TF: variants seen among roughly 807,000 people sequenced by gnomAD.
The protein encoded by TF is transferrin.
Under a neutral mutation model 82.4 loss-of-function variants are expected in TF, and 55 were observed. The observed-to-expected ratio is 0.67, with a 90% CI of 0.54 to 0.84. The LOEUF (loss-of-function observed/expected upper bound fraction) is 0.84. Among genes scored for constraint, TF ranks in the 40% least tolerant of loss-of-function variants. The pLI, the probability that TF is intolerant of heterozygous loss-of-function variation, is 0.00. For synonymous variants in TF, 332 were observed against 332.6 expected, an observed-to-expected ratio of 1.00 and a Z score of 0.02; for missense variants, 737 against 868.4, an observed-to-expected ratio of 0.85 and a Z score of 1.90.
rs536903376 is a variant in TF at position 133,790,827 on chromosome 3, G to A, written c.*12207G>A. 1.3e-5 allele frequency: 2 copies of A among 152,292 alleles called. No individual in the cohort carries two copies. Among genetic ancestry groups the A allele is most frequent in the East Asian group, 3.9e-4 (2 of 5,188 alleles). The allele number at this position is 152,292 out of a possible 1,614,324, so 9.4% of individuals were successfully genotyped here. A position where few individuals can be genotyped will look rare whatever the true frequency, so the allele number is the denominator to read the frequency against. On this transcript the variant is annotated 3_prime_UTR_variant, in exon 17 of 17. Transcript: ENST00000402696. ...AGTGTATTTCTTGATTGCACAGGATGTATGGTGATATTGGTGAACTTAAGG... is the reference window on the plus strand; with the variant it reads ...AGTGTATTTCTTGATTGCACAGGATATATGGTGATATTGGTGAACTTAAGG...
intron 13 of TF, among the ~76,000 whole-genome samples, chr3:133,770,262 G>T (rs1221042678): frequency 6.6e-6 from 1 of 152,160 alleles, no homozygotes; most frequent in Non-Finnish European, 1.5e-5. Context: ...GGGAAATTAT[G>T]TCATCTCTCA....
chr3:133,786,668 G>T lies in TF; in HGVS notation c.*8048G>T, dbSNP rs138953435. ...GTACATTTCGTTTTAAGATTCCCAGGAAAGACAGTCTTCTGAAAATTTGAG... is the reference window on the plus strand; with the variant it reads ...GTACATTTCGTTTTAAGATTCCCAGTAAAGACAGTCTTCTGAAAATTTGAG... On this transcript the variant is annotated 3_prime_UTR_variant, in exon 17 of 17. Coordinates refer to ENST00000402696, the MANE Select transcript of TF (RefSeq NM_001063.4). 2 of 152,192 alleles carry T rather than the reference G, an allele frequency of 1.3e-5. No individual in the cohort carries two copies. Among genetic ancestry groups the T allele is most frequent in the African/African-American group, 4.8e-5 (2 of 41,444 alleles). The allele number at this position is 152,192 out of a possible 1,614,324, so 9.4% of individuals were successfully genotyped here.
chr3:133,729,614 G>A, the TF span, among the ~76,000 whole-genome samples: 555 of 152,348 alleles, frequency 3.6e-3, 14 homozygotes, highest in Admixed American at 0.033. Context: ...CACTTCCCGA[G>A]TGAGGCAATG....
chr3:133,692,162 C>T, the TF span, among the ~76,000 whole-genome samples: 1 of 152,244 alleles, frequency 6.6e-6, no homozygotes, highest in Non-Finnish European at 1.5e-5. Flanking sequence ...ACACACAGGA[C>T]CTGACTGCGT....
Position 133,789,991 on chromosome 3 carries a change from T to G in TF, c.*11371T>G, listed in dbSNP as rs1418009891. The stretch of plus-strand genomic sequence containing the variant: ...TATGTATTAACTTTGAGGCTCTTAC[T>G]TAGGTTTAAGTGCACACCTGGCTAT... On this transcript the variant is annotated 3_prime_UTR_variant, in exon 17 of 17. Coordinates refer to ENST00000402696, the MANE Select transcript of TF (RefSeq NM_001063.4). 1 of 151,174 alleles carries G rather than the reference T, an allele frequency of 6.6e-6. No homozygotes were observed. 9.4% of individuals were successfully genotyped at this position (151,174 alleles called of 1,614,324 possible).
the TF span, among the ~76,000 whole-genome samples, chr3:133,694,665 C>T: frequency 6.6e-6 from 1 of 152,176 alleles, no homozygotes; most frequent in African/African-American, 2.4e-5. Context: ...TTTGGCAGGG[C>T]CAAAGGTCAG....
intron 4 of TF, 83 bp from the exon 5 acceptor site, chr3:133,755,280 C>T (rs1933792297): frequency 6.2e-7 from 1 of 1,600,082 alleles, no homozygotes; most frequent in Non-Finnish European, 8.6e-7. Flanking sequence ...CCCTCTGTTC[C>T]CTGATGGGCC....
upstream of TF, among the ~76,000 whole-genome samples, chr3:133,741,948 C>A (rs754014966): frequency 9.9e-5 from 15 of 152,086 alleles, no homozygotes; most frequent in Non-Finnish European, 1.8e-4. Flanking sequence ...AAGGAGTGTT[C>A]CTACTTTTCT....
the TF span, among the ~76,000 whole-genome samples, chr3:133,692,466 G>A: frequency 1.3e-5 from 2 of 152,162 alleles, no homozygotes; most frequent in African/African-American, 4.8e-5. Flanking sequence ...GTGACATCAC[G>A]ATGGCTGGGT....
At chr3:133,714,528 T>G in the TF span, among the ~76,000 whole-genome samples, 1 of 152,220 alleles carries the variant, frequency 6.6e-6, no homozygotes, top group African/African-American at 2.4e-5. Flanking sequence ...TAATTTTTCT[T>G]TACATCAGAA....
the TF span, among the ~76,000 whole-genome samples, chr3:133,674,033 G>A: frequency 5.9e-5 from 9 of 152,174 alleles, no homozygotes; most frequent in African/African-American, 1.9e-4. Context: ...GGACCCAGGA[G>A]TGGTCCATTC....
chr3:133,707,370 C>T, the TF span: 1 of 152,234 alleles, frequency 6.6e-6, no homozygotes, highest in African/African-American at 2.4e-5. Context: ...TCAGGAGAAC[C>T]TGCTTCACTG....
At chr3:133,732,991 T>C in the TF span, among the ~76,000 whole-genome samples, 1 of 152,208 alleles carries the variant, frequency 6.6e-6, no homozygotes, top group African/African-American at 2.4e-5. Flanking sequence ...GGATCTTCTC[T>C]TGTCCTAATT....
chr3:133,677,736 T>A, the TF span, among the ~76,000 whole-genome samples: 1 of 151,936 alleles, frequency 6.6e-6, no homozygotes, highest in Non-Finnish European at 1.5e-5. Context: ...TAGGCTGGAG[T>A]GCAGTGGTGT....
At chr3:133,694,398 G>C in the TF span, 1 of 152,802 alleles carries the variant, frequency 6.5e-6, no homozygotes, top group African/African-American at 2.4e-5. Context: ...TCCTCAGCCT[G>C]ATGTTGGGGA....
chr3:133,738,152 T>A, the TF span, among the ~76,000 whole-genome samples: 1 of 152,224 alleles, frequency 6.6e-6, no homozygotes, highest in Non-Finnish European at 1.5e-5. Context: ...GCAAGACTGG[T>A]TCAACATACT....
At chr3:133,730,605 G>A in the TF span, among the ~76,000 whole-genome samples, 2 of 152,138 alleles carry the variant, frequency 1.3e-5, no homozygotes, top group African/African-American at 4.8e-5. Flanking sequence ...CCCCACCTCT[G>A]CTTTGTCCCA....
At chr3:133,665,535 T>C in the TF span, among the ~76,000 whole-genome samples, 3 of 151,524 alleles carry the variant, frequency 2.0e-5, no homozygotes, top group African/African-American at 7.3e-5. Context: ...AACTTTTCCC[T>C]CACTTTCCTG....
intron 3 of TF, 68 bp from the exon 4 acceptor site, chr3:133,754,427 C>G (rs941487468): frequency 1.5e-5 from 23 of 1,524,278 alleles, no homozygotes; most frequent in Non-Finnish European, 9.1e-7. Context: ...CCTCAAGAGT[C>G]CGGTGGTGAT....
Sources: allele counts gnomAD v4.1 joint callset (sites outside exome capture counted in the v4.1 genomes callset), GRCh38; gene constraint gnomAD v4.1.1; transcripts MANE v1.5; gene names NCBI Gene and HGNC (gene_info 2026-07-23, HGNC 2026-07-21).